The following GRIN2A variants were observed in gnomAD, a reference collection of about 807,000 sequenced individuals.
GRIN2A encodes the protein glutamate receptor ionotropic, NMDA 2A.
A neutral mutation model predicts 113.4 loss-of-function variants in GRIN2A; 22 were observed. The observed-to-expected ratio is 0.19, with a 90% CI of 0.14 to 0.28. GRIN2A has a LOEUF of 0.28. Ranked by LOEUF, GRIN2A falls within the 10% of genes least tolerant of loss-of-function variation. The probability of loss-of-function intolerance (pLI) is 1.00; values close to 1 mark genes in which losing one functional copy is unlikely to be tolerated. For missense variants in GRIN2A, 1,502 were observed against 1,887.0 expected (o/e 0.80, Z 3.78); for synonymous variants, 827 against 738.4 (o/e 1.12, Z -1.94).
chr16:9,811,134 T>G (rs1005123655), intron 10 of GRIN2A, among the ~76,000 whole-genome samples: 1 of 152,184 alleles, frequency 6.6e-6, no homozygotes, highest in African/African-American at 2.4e-5. Flanking sequence ...AGCTGAGCTA[T>G]TCCAAACCTG....
intron 2 of GRIN2A, among the ~76,000 whole-genome samples, chr16:9,946,107 C>A (rs545599848): frequency 5.3e-5 from 8 of 152,298 alleles, no homozygotes; most frequent in Non-Finnish European, 8.8e-5. Context: ...GAACTCAGCC[C>A]TGCTTTCTAG....
chr16:9,867,153 C>T (rs555602600), intron 4 of GRIN2A, among the ~76,000 whole-genome samples: 6 of 152,288 alleles, frequency 3.9e-5, no homozygotes, highest in Non-Finnish European at 7.4e-5. Context: ...GCAGCACCCT[C>T]CCCAACTCTG....
intron 2 of GRIN2A, among the ~76,000 whole-genome samples, chr16:10,106,573 T>C (rs1221148099): frequency 6.6e-6 from 1 of 152,026 alleles, no homozygotes; most frequent in East Asian, 1.9e-4. Flanking sequence ...GCGTGACTAG[T>C]TTGTCTCTGA....
intron 2 of GRIN2A, among the ~76,000 whole-genome samples, chr16:10,140,951 T>C (rs955648382): frequency 2.0e-5 from 3 of 152,024 alleles, no homozygotes; most frequent in Non-Finnish European, 4.4e-5. Flanking sequence ...CCCAGAAATT[T>C]TGGAGGCCAA....
At chr16:10,109,667 T>A (rs2048572979) in intron 2 of GRIN2A, among the ~76,000 whole-genome samples, 1 of 151,368 alleles carries the variant, frequency 6.6e-6, no homozygotes, top group Non-Finnish European at 1.5e-5. Flanking sequence ...GAATAAGACC[T>A]ACCATTTAAT....
chr16:9,804,674 A>C (rs927088480), intron 10 of GRIN2A, among the ~76,000 whole-genome samples: 2 of 152,024 alleles, frequency 1.3e-5, no homozygotes, highest in Admixed American at 1.3e-4. Context: ...CCTCTTCTCC[A>C]ATGTCTGCGA....
intron 4 of GRIN2A, among the ~76,000 whole-genome samples, chr16:9,866,122 A>C (rs889840198): frequency 3.3e-5 from 5 of 152,160 alleles, no homozygotes; most frequent in Non-Finnish European, 5.9e-5. Context: ...TAAAGGATCC[A>C]CTCACCAGTG....
intron 2 of GRIN2A, among the ~76,000 whole-genome samples, chr16:10,000,630 C>T (rs1369042351): frequency 2.0e-5 from 3 of 147,252 alleles, no homozygotes; most frequent in Non-Finnish European, 4.5e-5. Flanking sequence ...GGTACCTTGG[C>T]CTACCGGATC....
At chr16:9,856,766 G>C (rs970439353) in intron 4 of GRIN2A, among the ~76,000 whole-genome samples, 1 of 151,752 alleles carries the variant, frequency 6.6e-6, no homozygotes, top group African/African-American at 2.4e-5. Context: ...CCATTTCATA[G>C]ATGAGGAAAC....
intron 3 of GRIN2A, among the ~76,000 whole-genome samples, 154 bp from the exon 4 acceptor site, chr16:9,891,254 C>A (rs2043689719): frequency 6.6e-6 from 1 of 152,160 alleles, no homozygotes; most frequent in Admixed American, 6.5e-5. Flanking sequence ...TATTAATAAC[C>A]ATGCAACCAT....
At chr16:10,003,222 A>G (rs1316880065) in intron 2 of GRIN2A, among the ~76,000 whole-genome samples, 1 of 152,234 alleles carries the variant, frequency 6.6e-6, no homozygotes, top group Non-Finnish European at 1.5e-5. Flanking sequence ...GATGAAGAGC[A>G]GAAACAGAAA....
intron 3 of GRIN2A, among the ~76,000 whole-genome samples, chr16:9,916,952 G>A (rs187587629): frequency 1.5e-3 from 233 of 152,296 alleles, no homozygotes; most frequent in South Asian, 6.8e-3. Flanking sequence ...CAGAGGTAGC[G>A]TTGCCTAGTG....
At chr16:9,777,674 A>G (rs1354745153) in intron 11 of GRIN2A, among the ~76,000 whole-genome samples, 1 of 152,172 alleles carries the variant, frequency 6.6e-6, no homozygotes, top group Non-Finnish European at 1.5e-5. Flanking sequence ...GTTCATTGCT[A>G]CTTGTCACAT....
intron 2 of GRIN2A, among the ~76,000 whole-genome samples, chr16:10,084,400 G>A (rs568442044): frequency 5.1e-4 from 77 of 152,220 alleles, no homozygotes; most frequent in Non-Finnish European, 8.5e-4. Flanking sequence ...CCGAAAAACT[G>A]CTGCTGGGAT....
intron 4 of GRIN2A, among the ~76,000 whole-genome samples, chr16:9,862,617 G>T (rs190510182): frequency 9.3e-4 from 141 of 152,288 alleles, no homozygotes; most frequent in African/African-American, 3.2e-3. Context: ...GAGTTCCTTT[G>T]TTGCCAGATC....
chr16:10,122,065 A>C (rs2048847012), intron 2 of GRIN2A, among the ~76,000 whole-genome samples: 1 of 152,190 alleles, frequency 6.6e-6, no homozygotes, highest in East Asian at 1.9e-4. Flanking sequence ...ATCCCACTGA[A>C]GTTTATTCAG....
At chr16:10,022,268 CA>C (rs2046738691) in intron 2 of GRIN2A, among the ~76,000 whole-genome samples, 1 of 151,186 alleles carries the variant, frequency 6.6e-6, no homozygotes, top group South Asian at 2.1e-4. Flanking sequence ...CACACATACA[CA>C]TGCATGCACA....
intron 3 of GRIN2A, among the ~76,000 whole-genome samples, chr16:9,898,045 C>T (rs1255718573): frequency 6.9e-6 from 1 of 144,106 alleles, no homozygotes; most frequent in Non-Finnish European, 1.5e-5. Context: ...TCTACTGAGC[C>T]TCCATTTCCT....
intron 4 of GRIN2A, among the ~76,000 whole-genome samples, chr16:9,853,217 G>A (rs921624175): frequency 1.3e-5 from 2 of 152,146 alleles, no homozygotes; most frequent in Non-Finnish European, 2.9e-5. Flanking sequence ...GCAAAGCCTT[G>A]TAGGCTCTAT....
Sources: gnomAD v4.1 joint callset for allele counts (sites outside exome capture counted in the v4.1 genomes callset) on GRCh38, gnomAD v4.1.1 for gene constraint, MANE v1.5 for transcripts, NCBI Gene and HGNC (gene_info 2026-07-23, HGNC 2026-07-21) for gene names.